The following ARHGAP17 variants were observed in gnomAD, a reference collection of about 807,000 sequenced individuals.
ARHGAP17 encodes rho GTPase-activating protein 17.
Under a neutral mutation model 99.5 loss-of-function variants are expected in ARHGAP17, and 57 were observed. The ratio of observed to expected loss-of-function variants is 0.57; its 90% CI spans 0.46 to 0.71. The LOEUF is 0.71. Among genes scored for constraint, ARHGAP17 ranks in the 30% least tolerant of loss-of-function variants. ARHGAP17 has a pLI of 0.00. For synonymous variants in ARHGAP17, 417 were observed against 429.6 expected, an observed-to-expected ratio of 0.97 and a Z score of 0.36; for missense variants, 1,000 against 1,122.4, an observed-to-expected ratio of 0.89 and a Z score of 1.56.
intron 12 of ARHGAP17, 56 bp downstream of exon 12, chr16:24,952,233 G>A (rs764018670): frequency 3.7e-6 from 5 of 1,339,080 alleles, no homozygotes; most frequent in Non-Finnish European, 5.3e-6. Flanking sequence ...TGCAAATAGG[G>A]CACAATATCA....
chr16:24,943,933 G>T, intron 14 of ARHGAP17, 71 bp from the exon 15 acceptor site: 1 of 1,310,792 alleles, frequency 7.6e-7, no homozygotes. Context: ...TTGTGTCAGG[G>T]CAATTCAATT....
At chr16:24,952,614 C>T (rs937080133) in intron 11 of ARHGAP17, among the ~76,000 whole-genome samples, 1 of 152,032 alleles carries the variant, frequency 6.6e-6, no homozygotes, top group African/African-American at 2.4e-5. Flanking sequence ...CCTTAACAGA[C>T]ATAATTTCTC....
intron 14 of ARHGAP17, among the ~76,000 whole-genome samples, chr16:24,945,789 C>G (rs910331262): frequency 6.6e-6 from 1 of 152,198 alleles, no homozygotes; most frequent in Non-Finnish European, 1.5e-5. Flanking sequence ...TCCTCTCCAT[C>G]CTTTCCCATT....
At chr16:24,997,418 T>C (rs1324819309) in intron 1 of ARHGAP17, among the ~76,000 whole-genome samples, 1 of 152,154 alleles carries the variant, frequency 6.6e-6, no homozygotes, top group Non-Finnish European at 1.5e-5. Context: ...TCATTAGCAC[T>C]TGGACTAGTG....
At chr16:25,000,890 T>C (rs1319373285) in intron 1 of ARHGAP17, among the ~76,000 whole-genome samples, 1 of 152,220 alleles carries the variant, frequency 6.6e-6, no homozygotes, top group Admixed American at 6.5e-5. Flanking sequence ...AGACACAGAA[T>C]AAAGCTCAAA....
chr16:24,996,859 GAGGATTGCTTGAGGCC>G (rs1416021131), intron 1 of ARHGAP17, among the ~76,000 whole-genome samples: 4 of 151,796 alleles, frequency 2.6e-5, no homozygotes, highest in Non-Finnish European at 5.9e-5. Context: ...GCCGAGGCAG[GAGGATTGCTTGAGGCC>G]AGGAGTTGGA....
intron 9 of ARHGAP17, among the ~76,000 whole-genome samples, chr16:24,958,825 C>T (rs926905323): frequency 6.6e-6 from 1 of 152,146 alleles, no homozygotes. Context: ...CTGGCCTGAT[C>T]CCCTTTCAGC....
chr16:24,965,528 T>C (rs1451041268), intron 6 of ARHGAP17, among the ~76,000 whole-genome samples: 1 of 152,186 alleles, frequency 6.6e-6, no homozygotes, highest in Non-Finnish European at 1.5e-5. Context: ...CTAAACTTTC[T>C]AGACTGCTGC....
chr16:24,962,836 A>G (rs1340607887), intron 7 of ARHGAP17, among the ~76,000 whole-genome samples: 1 of 152,260 alleles, frequency 6.6e-6, no homozygotes, highest in African/African-American at 2.4e-5. Flanking sequence ...AACTTCAGAA[A>G]TGGAAAATAT....
chr16:24,990,643 T>G (rs1383347836), intron 1 of ARHGAP17, among the ~76,000 whole-genome samples: 1 of 151,800 alleles, frequency 6.6e-6, no homozygotes, highest in Non-Finnish European at 1.5e-5. Flanking sequence ...GGCAACAGAG[T>G]GAGACCATGT....
intron 2 of ARHGAP17, among the ~76,000 whole-genome samples, chr16:24,978,279 T>G (rs920443415): frequency 2.0e-5 from 3 of 152,246 alleles, no homozygotes; most frequent in African/African-American, 7.2e-5. Flanking sequence ...TTTTGTTCAC[T>G]GATTTCTCCC....
chr16:24,952,809 C>T (rs2051683432), intron 11 of ARHGAP17, 122 bp downstream of exon 11: 1 of 792,444 alleles, frequency 1.3e-6, no homozygotes, highest in African/African-American at 1.7e-5. Context: ...TAGCAAGAGC[C>T]ACTTCGGTTT....
chr16:24,965,333 G>A (rs1384997688), intron 6 of ARHGAP17, among the ~76,000 whole-genome samples: 1 of 152,204 alleles, frequency 6.6e-6, no homozygotes. Context: ...AGCTGGGCGT[G>A]GTGGCAGGCG....
intron 1 of ARHGAP17, among the ~76,000 whole-genome samples, chr16:24,999,901 C>T (rs1426355921): frequency 6.6e-6 from 1 of 152,184 alleles, no homozygotes; most frequent in Non-Finnish European, 1.5e-5. Flanking sequence ...CTATTTTCCC[C>T]AGTGCTGACC....
chr16:25,004,915 T>G (rs897566229), intron 1 of ARHGAP17, among the ~76,000 whole-genome samples: 2 of 152,174 alleles, frequency 1.3e-5, no homozygotes, highest in Non-Finnish European at 2.9e-5. Flanking sequence ...TGAAATGAAC[T>G]GAATATTGTT....
chr16:24,968,521 G>C lies in ARHGAP17; in HGVS notation c.385-94C>G, dbSNP rs1365698552. 3 of 1,539,736 alleles carry C rather than the reference G, an allele frequency of 1.9e-6. No homozygotes were observed. The African/African-American group carries it at 4.1e-5, about 21-fold the overall frequency. ...CAAACGTTTTTTCTCTAAGGCAAAG[G>C]ATTTTGTACCTTCAATTGACTCCCC... On this transcript the variant is annotated intron_variant, in intron 5 of 19. Transcript: ENST00000289968.
At chr16:24,997,545 G>A (rs553743354) in intron 1 of ARHGAP17, among the ~76,000 whole-genome samples, 7 of 152,364 alleles carry the variant, frequency 4.6e-5, no homozygotes, top group African/African-American at 1.7e-4. Context: ...CTGCCGGGTA[G>A]GGAAGCCATG....
chr16:25,003,979 T>C (rs910609611), intron 1 of ARHGAP17, among the ~76,000 whole-genome samples: 1 of 151,740 alleles, frequency 6.6e-6, no homozygotes, highest in Admixed American at 6.6e-5. Flanking sequence ...CTGGAGAGAG[T>C]TGCTCCCCTG....
chr16:25,004,499 G>A (rs1350651985), intron 1 of ARHGAP17, among the ~76,000 whole-genome samples: 1 of 152,206 alleles, frequency 6.6e-6, no homozygotes, highest in Non-Finnish European at 1.5e-5. Context: ...ATGACCACGT[G>A]ATATCCAAGC....
Sources: allele counts gnomAD v4.1 joint callset (sites outside exome capture counted in the v4.1 genomes callset), GRCh38; gene constraint gnomAD v4.1.1; transcripts MANE v1.5; gene names NCBI Gene and HGNC (gene_info 2026-07-23, HGNC 2026-07-21).